APBB2: variants seen among roughly 807,000 people sequenced by gnomAD.
APBB2 encodes Fe65-like 1.
Under a neutral mutation model 82.5 loss-of-function variants are expected in APBB2, and 38 were observed. That is an observed-to-expected ratio of 0.46 (90% CI 0.36 to 0.60). APBB2 has a LOEUF of 0.60. Ranked by LOEUF, APBB2 falls within the 20% of genes least tolerant of loss-of-function variation. The pLI is 0.00. For missense variants in APBB2, 772 were observed against 972.3 expected (o/e 0.79, Z 2.74); for synonymous variants, 341 against 368.2 (o/e 0.93, Z 0.85).
At chr4:40,947,299 AT>A (rs1473489360) in intron 6 of APBB2, among the ~76,000 whole-genome samples, 2 of 152,246 alleles carry the variant, frequency 1.3e-5, no homozygotes, top group Admixed American at 1.3e-4. Context: ...CACTGAAAAG[AT>A]ACAAAGAAGC....
At chr4:41,074,702 C>T (rs1274535314) in intron 3 of APBB2, among the ~76,000 whole-genome samples, 5 of 151,550 alleles carry the variant, frequency 3.3e-5, no homozygotes, top group Admixed American at 6.6e-5. Context: ...CTCCGCCTCC[C>T]GGGTTCACGC....
intron 6 of APBB2, among the ~76,000 whole-genome samples, chr4:40,998,310 CA>C (rs1167280038): frequency 9.2e-5 from 14 of 152,090 alleles, no homozygotes; most frequent in Non-Finnish European, 1.5e-5. Flanking sequence ...CAATATGTTC[CA>C]AATAACCAAC....
rs1025920731 is a variant in APBB2 at position 40,811,591 on chromosome 4, T to C, written c.*4501A>G. The C allele has an allele frequency of 5.9e-5, 9 of 152,020 alleles. No individual in the cohort carries two copies. Among genetic ancestry groups the C allele is most frequent in the African/African-American group, 2.2e-4 (9 of 41,368 alleles). The allele number at this position is 152,020 out of a possible 1,614,324, so 9.4% of individuals were successfully genotyped here. Reference sequence around the variant, plus strand: ...GAGGGAATTCTAATGAAGGAGAATATTGATTCCACTGACATGTTTCATTTG... The same window carrying C: ...GAGGGAATTCTAATGAAGGAGAATACTGATTCCACTGACATGTTTCATTTG... On this transcript the variant is annotated 3_prime_UTR_variant, in exon 18 of 18. Transcript: ENST00000508593.
intron 10 of APBB2, among the ~76,000 whole-genome samples, chr4:40,911,241 G>A (rs568220420): frequency 1.6e-4 from 25 of 152,302 alleles, no homozygotes; most frequent in Admixed American, 1.6e-3. Flanking sequence ...GGGCTCCTCA[G>A]GGACAACTGT....
chr4:41,112,469 A>G (rs538564157), intron 2 of APBB2, among the ~76,000 whole-genome samples: 1 of 152,348 alleles, frequency 6.6e-6, no homozygotes, highest in South Asian at 2.1e-4. Context: ...AGCGCCCTGC[A>G]CACTCTGCGT....
intron 1 of APBB2, among the ~76,000 whole-genome samples, chr4:41,161,301 G>C (rs1463425329): frequency 4.0e-5 from 6 of 151,830 alleles, no homozygotes; most frequent in African/African-American, 7.3e-5. Context: ...CAAGCCCAAA[G>C]TCTCTCTCAA....
At chr4:41,160,399 C>T (rs1378911255) in intron 1 of APBB2, among the ~76,000 whole-genome samples, 1 of 152,136 alleles carries the variant, frequency 6.6e-6, no homozygotes, top group African/African-American at 2.4e-5. Context: ...TTAGATAAAC[C>T]AGACGCAGGG....
At chr4:41,055,819 G>A (rs1727633165) in intron 4 of APBB2, among the ~76,000 whole-genome samples, 1 of 152,230 alleles carries the variant, frequency 6.6e-6, no homozygotes, top group South Asian at 2.1e-4. Context: ...ATGTAACAGA[G>A]TTGTAGTGAA....
At chr4:40,880,796 C>A (rs977996844) in intron 12 of APBB2, 4 of 985,284 alleles carry the variant, frequency 4.1e-6, no homozygotes, top group East Asian at 2.3e-4. Context: ...GACACAACAG[C>A]CTCAAGCCCC....
At chr4:40,877,265 G>A (rs1767171919) in intron 12 of APBB2, among the ~76,000 whole-genome samples, 1 of 152,266 alleles carries the variant, frequency 6.6e-6, no homozygotes, top group Non-Finnish European at 1.5e-5. Context: ...ACCCATCTGA[G>A]AGCAAAGGTG....
At chr4:41,121,581 C>T (rs1752836510) in intron 2 of APBB2, among the ~76,000 whole-genome samples, 2 of 152,178 alleles carry the variant, frequency 1.3e-5, no homozygotes, top group African/African-American at 4.8e-5. Flanking sequence ...GGAAATCCTC[C>T]ACCTGCCCTC....
intron 1 of APBB2, chr4:41,193,466 C>A: frequency 2.1e-6 from 1 of 486,950 alleles, no homozygotes; most frequent in Non-Finnish European, 2.7e-6. Flanking sequence ...CTAGGATATG[C>A]AGAAAGAACT....
At chr4:40,892,800 A>G (rs1772423671) in intron 11 of APBB2, 1 of 153,154 alleles carries the variant, frequency 6.5e-6, no homozygotes, top group African/African-American at 2.4e-5. Context: ...TTCATGTATA[A>G]TGTTGATTCT....
intron 3 of APBB2, among the ~76,000 whole-genome samples, chr4:41,081,242 G>C (rs1157914579): frequency 2.0e-5 from 3 of 152,208 alleles, no homozygotes; most frequent in Non-Finnish European, 4.4e-5. Context: ...CAACAGGACA[G>C]TGATTCTGCA....
chr4:41,043,021 ATTT>A (rs1368026424), intron 4 of APBB2, among the ~76,000 whole-genome samples: 1 of 152,098 alleles, frequency 6.6e-6, no homozygotes, highest in Non-Finnish European at 1.5e-5. Context: ...GGGGGAATCT[ATTT>A]TTTATTTTTT....
At chr4:40,907,345 TTACATATATATATATATA>T (rs58362030) in intron 10 of APBB2, among the ~76,000 whole-genome samples, 4 of 104,976 alleles carry the variant, frequency 3.8e-5, no homozygotes, top group African/African-American at 1.6e-4. Flanking sequence ...ATTTAATATA[TTACATATATATATATATA>T]TATATATATA....
At chr4:41,126,781 C>CGT (rs1754533695) in intron 2 of APBB2, among the ~76,000 whole-genome samples, 1 of 152,206 alleles carries the variant, frequency 6.6e-6, no homozygotes, top group Non-Finnish European at 1.5e-5. Flanking sequence ...TCCCACTGAA[C>CGT]GTGTCTGTGC....
chr4:40,895,309 G>A (rs201926435), intron 10 of APBB2, among the ~76,000 whole-genome samples: 1 of 152,230 alleles, frequency 6.6e-6, no homozygotes, highest in African/African-American at 2.4e-5. Context: ...TGCACAAGGT[G>A]CCTTTCACAA....
chr4:40,928,572 C>T (rs1783275442), intron 10 of APBB2, among the ~76,000 whole-genome samples: 2 of 137,360 alleles, frequency 1.5e-5, no homozygotes, highest in Admixed American at 1.5e-4. Context: ...GAGCGACACT[C>T]TGTCTCAAAT....
Sources: allele counts gnomAD v4.1 joint callset (sites outside exome capture counted in the v4.1 genomes callset), GRCh38; gene constraint gnomAD v4.1.1; transcripts MANE v1.5; gene names NCBI Gene and HGNC (gene_info 2026-07-23, HGNC 2026-07-21).